The following USH2A variants were observed in gnomAD, a reference collection of about 807,000 sequenced individuals.
USH2A encodes the protein Usher syndrome 2A (autosomal recessive, mild).
USH2A carries 443 observed loss-of-function variants against 538.9 expected under a neutral mutation model. That is an observed-to-expected ratio of 0.82 (90% confidence interval 0.76 to 0.89). The LOEUF (loss-of-function observed/expected upper bound fraction) is 0.89. USH2A is among the 40% of genes least tolerant of loss of function. USH2A has a pLI of 0.00. For missense variants in USH2A, 6,633 were observed against 6,324.8 expected, an observed-to-expected ratio of 1.05 and a Z score of -1.65; for synonymous variants, 2,413 against 2,273.5, an observed-to-expected ratio of 1.06 and a Z score of -1.75.
At chr1:215,637,430 C>T (rs970900009) in intron 69 of USH2A, among the ~76,000 whole-genome samples, 1 of 152,156 alleles carries the variant, frequency 6.6e-6, no homozygotes, top group Non-Finnish European at 1.5e-5. Flanking sequence ...AGAAAAAGTC[C>T]CAGGCCAGAA....
At chr1:216,311,983 T>C (rs1395391802) in intron 9 of USH2A, among the ~76,000 whole-genome samples, 2 of 152,174 alleles carry the variant, frequency 1.3e-5, no homozygotes, top group Non-Finnish European at 2.9e-5. Flanking sequence ...TTTTATTTAT[T>C]CTTTCTCTAA....
At chr1:215,739,186 A>C (rs143500317) in intron 60 of USH2A, among the ~76,000 whole-genome samples, 2 of 152,312 alleles carry the variant, frequency 1.3e-5, no homozygotes, top group East Asian at 1.9e-4. Context: ...ACAGGCTACA[A>C]TTATGATTGT....
Position 215,992,781 on chromosome 1 carries a change from A to G in USH2A, c.6805+239T>C, listed in dbSNP as rs1332271535. On this transcript the variant is annotated intron_variant, in intron 35 of 71. Transcript: ENST00000307340. Reference sequence around the variant, plus strand: ...GCTCTCTTCACCTCTCCTGGAGCATATTAAACAATGAGATGCAGTACACAA... The same window carrying G: ...GCTCTCTTCACCTCTCCTGGAGCATGTTAAACAATGAGATGCAGTACACAA... Among the ~76,000 whole-genome samples the G allele has an allele frequency of 5.9e-5, 9 of 152,274 alleles. No homozygotes were observed. In the South Asian group the frequency reaches 1.0e-3, roughly 18 times the overall value.
At chr1:215,738,677 AAG>A (rs1232976686) in intron 60 of USH2A, among the ~76,000 whole-genome samples, 2 of 152,188 alleles carry the variant, frequency 1.3e-5, no homozygotes, top group African/African-American at 4.8e-5. Context: ...TCTTGGTGAG[AAG>A]AGAGTGGCAA....
chr1:216,139,699 CCTG>C (rs2033563324), intron 21 of USH2A, among the ~76,000 whole-genome samples: 1 of 152,126 alleles, frequency 6.6e-6, no homozygotes, highest in Non-Finnish European at 1.5e-5. Flanking sequence ...ATGATATGAT[CCTG>C]CTGTTCAGTA....
At chr1:215,797,877 G>A (rs957724312) in intron 50 of USH2A, among the ~76,000 whole-genome samples, 4 of 152,154 alleles carry the variant, frequency 2.6e-5, no homozygotes, top group African/African-American at 7.2e-5. Flanking sequence ...ATTTTGTAAG[G>A]CTATAGCTGC....
chr1:215,973,203 C>T (rs959986312), intron 35 of USH2A, among the ~76,000 whole-genome samples: 1 of 152,118 alleles, frequency 6.6e-6, no homozygotes, highest in African/African-American at 2.4e-5. Context: ...GTTCCCTTTT[C>T]TTACATAATT....
chr1:216,000,196 C>G (rs921354294), intron 33 of USH2A, among the ~76,000 whole-genome samples: 4 of 152,094 alleles, frequency 2.6e-5, no homozygotes, highest in Non-Finnish European at 5.9e-5. Flanking sequence ...AATCTGTGTA[C>G]CTATGTAGCT....
At chr1:215,867,665 CAGAT>C (rs1330631506) in intron 43 of USH2A, among the ~76,000 whole-genome samples, 18 of 152,182 alleles carry the variant, frequency 1.2e-4, no homozygotes, top group African/African-American at 4.3e-4. Flanking sequence ...TCACTGCAGA[CAGAT>C]AAACCCCTAA....
chr1:215,898,066 G>A (rs934357142), intron 40 of USH2A, among the ~76,000 whole-genome samples: 4 of 152,176 alleles, frequency 2.6e-5, no homozygotes, highest in Non-Finnish European at 5.9e-5. Flanking sequence ...TGTCTCAGGT[G>A]CACTGCTAAC....
At chr1:215,734,558 C>A (rs755573196) in intron 60 of USH2A, among the ~76,000 whole-genome samples, 7 of 152,188 alleles carry the variant, frequency 4.6e-5, no homozygotes, top group Non-Finnish European at 1.0e-4. Flanking sequence ...AACTTTTGCT[C>A]TCTGCTTCCC....
intron 4 of USH2A, among the ~76,000 whole-genome samples, chr1:216,340,464 C>G (rs577477290): frequency 1.3e-5 from 2 of 149,606 alleles, no homozygotes; most frequent in Non-Finnish European, 3.0e-5. Context: ...AAATTGAAAA[C>G]GAGGAATTCC....
chr1:215,799,231 G>T, intron 49 of USH2A, 106 bp from the exon 50 acceptor site: 2 of 1,277,456 alleles, frequency 1.6e-6, no homozygotes, highest in Non-Finnish European at 2.2e-6. Flanking sequence ...CTGATTGACA[G>T]AATTACTAAA....
intron 37 of USH2A, 29 bp from the exon 38 acceptor site, chr1:215,934,824 A>T: frequency 6.4e-7 from 1 of 1,557,860 alleles, no homozygotes; most frequent in Non-Finnish European, 8.7e-7. Context: ...TATTAAAATA[A>T]ATACATATTT....
chr1:216,041,271 C>T (rs2030262358), intron 32 of USH2A, among the ~76,000 whole-genome samples: 1 of 151,966 alleles, frequency 6.6e-6, no homozygotes, highest in Non-Finnish European at 1.5e-5. Flanking sequence ...ATACTACTAG[C>T]TTATGGCCTA....
intron 21 of USH2A, among the ~76,000 whole-genome samples, chr1:216,153,239 C>T (rs546468626): frequency 5.2e-4 from 79 of 152,278 alleles, no homozygotes; most frequent in African/African-American, 1.8e-3. Context: ...AACACTTAAG[C>T]CATATGTGGA....
intron 58 of USH2A, among the ~76,000 whole-genome samples, chr1:215,747,914 T>C (rs1456369377): frequency 6.7e-6 from 1 of 150,086 alleles, no homozygotes; most frequent in Non-Finnish European, 1.5e-5. Context: ...AGACGGAGTC[T>C]CGCTCTGTCG....
chr1:215,644,390 G>A (rs1312685302), intron 67 of USH2A, among the ~76,000 whole-genome samples: 1 of 152,168 alleles, frequency 6.6e-6, no homozygotes, highest in East Asian at 1.9e-4. Context: ...GTGACCACTG[G>A]AGTTTGGCTT....
chr1:216,409,302 A>G lies in USH2A; in HGVS notation c.651+9212T>C, dbSNP rs148640814. ...GGACCAATATCGTTAAAATGGCCAT[A>G]TTGCCCAAAGCAATTTACAGATTCA... On this transcript the variant is annotated intron_variant, in intron 3 of 71. Transcript: ENST00000307340. 5.2e-3 allele frequency among the ~76,000 whole-genome samples: 799 copies of G among 152,232 alleles called. 11 individuals are homozygous for G. The highest frequency in any genetic ancestry group is 0.019 in the African/African-American group (779 of 41,552).
Sources: gnomAD v4.1 joint callset for allele counts (sites outside exome capture counted in the v4.1 genomes callset) on GRCh38, gnomAD v4.1.1 for gene constraint, MANE v1.5 for transcripts, NCBI Gene and HGNC (gene_info 2026-07-23, HGNC 2026-07-21) for gene names.